SEMA5B: variants seen among roughly 807,000 people sequenced by gnomAD.
SEMA5B encodes the protein semaphorin-5B.
SEMA5B carries 66 observed loss-of-function variants against 135.0 expected under a neutral mutation model. That is an observed-to-expected ratio of 0.49 (90% CI 0.40 to 0.60). The LOEUF is 0.60. Ranked by LOEUF, SEMA5B falls within the 20% of genes least tolerant of loss-of-function variation. The probability of loss-of-function intolerance (pLI) is 0.00; values close to 1 mark genes in which losing one functional copy is unlikely to be tolerated. For missense variants in SEMA5B, 1,501 were observed against 1,566.3 expected (o/e 0.96, Z 0.70); for synonymous variants, 690 against 639.5 (o/e 1.08, Z -1.19).
In SEMA5B at chr3:122,923,633, G is replaced by C; in HGVS notation, c.1256C>G (p.Pro419Arg). Residue 419 changes from proline to arginine, a missense_variant, in exon 10 of 23, where the codon CCC (proline) becomes CGC (arginine). Pro to Arg is a moderately radical substitution (Grantham distance 103). Around this residue, in one of 2 missense-constraint regions of SEMA5B, gnomAD observed 574 missense variants for 684.7 expected, o/e 0.84. Coordinates refer to ENST00000357599, the MANE Select transcript of SEMA5B (RefSeq NM_001031702.4). ...PRAAWLPIAN[P>R]IPNFQCGTLP... is the part of the protein sequence containing the mutation. ...ATTCTGTACCTGGAAATTGGGGATG[G>C]GGTTGGCTATGGGGAGCCAGGCAGC... is the stretch of plus-strand genomic sequence containing the variant. 1.9e-6 allele frequency: 3 copies of C among 1,614,112 alleles called. No individual in the cohort carries two copies. The highest frequency in any genetic ancestry group is 8.5e-7 in the Non-Finnish European group (1 of 1,179,988).
At chr3:123,004,931 A>G (rs1355803646) in intron 1 of SEMA5B, among the ~76,000 whole-genome samples, 2 of 152,098 alleles carry the variant, frequency 1.3e-5, no homozygotes, top group Admixed American at 6.6e-5. Context: ...CAAACCTCAC[A>G]CTGCCTCCCT....
At chr3:122,976,877 C>T (rs920153083) in intron 1 of SEMA5B, among the ~76,000 whole-genome samples, 2 of 152,228 alleles carry the variant, frequency 1.3e-5, no homozygotes, top group Admixed American at 6.5e-5. Context: ...TGATGAAACC[C>T]GGTCTCTCCT....
At position 122,997,523 on chromosome 3, in the gene SEMA5B, C is replaced by T. The variant is rs954385572; in HGVS notation, c.-39+29941G>A. 3.1e-4 allele frequency among the ~76,000 whole-genome samples: 47 copies of T among 151,968 alleles called. 2 individuals are homozygous for T. Among genetic ancestry groups the T allele is most frequent in the South Asian group, 2.7e-3 (13 of 4,792 alleles). On this transcript the variant is annotated intron_variant, in intron 1 of 22. Coordinates refer to ENST00000357599, the MANE Select transcript of SEMA5B (RefSeq NM_001031702.4). ...CTGGCTGGTCCCCAGGCCTCTCCCCCCCCCGTCTCCACCAGGGCATGTTGG... is the reference window on the plus strand; with the variant it reads ...CTGGCTGGTCCCCAGGCCTCTCCCCTCCCCGTCTCCACCAGGGCATGTTGG...
chr3:123,012,163 G>A (rs560572864), intron 1 of SEMA5B, among the ~76,000 whole-genome samples: 33 of 152,262 alleles, frequency 2.2e-4, no homozygotes, highest in Admixed American at 1.8e-3. Flanking sequence ...TGTGTAAACC[G>A]GGGCTCATCG....
intron 1 of SEMA5B, among the ~76,000 whole-genome samples, chr3:122,983,057 C>A (rs1320935535): frequency 6.6e-6 from 1 of 152,128 alleles, no homozygotes; most frequent in Non-Finnish European, 1.5e-5. Context: ...CCAGGCAGGG[C>A]GGCTGCGGGA....
At chr3:123,012,763 C>G (rs1226181898) in intron 1 of SEMA5B, among the ~76,000 whole-genome samples, 3 of 152,216 alleles carry the variant, frequency 2.0e-5, no homozygotes, top group African/African-American at 7.2e-5. Flanking sequence ...CTTCCCCCCT[C>G]CTCTTCCTCC....
chr3:123,008,604 G>C lies in SEMA5B; in HGVS notation c.-39+18860C>G, dbSNP rs116643430. ...TCAGGAGGAAGCTGGGGAAGGACAG[G>C]GTTTTGAGAAGATGTCAACAATGTC... On this transcript the variant is annotated intron_variant, in intron 1 of 22. Transcript: ENST00000357599. Among the ~76,000 whole-genome samples, 1,093 of 152,196 alleles carry C rather than the reference G, an allele frequency of 7.2e-3. 17 individuals carry two copies. Among genetic ancestry groups the C allele is most frequent in the African/African-American group, 0.025 (1,041 of 41,524 alleles).
At chr3:123,007,102 A>G (rs978122250) in intron 1 of SEMA5B, among the ~76,000 whole-genome samples, 1 of 152,050 alleles carries the variant, frequency 6.6e-6, no homozygotes, top group Non-Finnish European at 1.5e-5. Flanking sequence ...CATGGGGCAA[A>G]TTTGCAAGCC....
intron 5 of SEMA5B, among the ~76,000 whole-genome samples, chr3:122,930,971 A>G (rs1217244318): frequency 6.6e-6 from 1 of 152,188 alleles, no homozygotes; most frequent in Non-Finnish European, 1.5e-5. Flanking sequence ...GTTAGGCCAT[A>G]TGCCCCCAAA....
At chr3:123,012,543 A>C (rs1429484903) in intron 1 of SEMA5B, among the ~76,000 whole-genome samples, 2 of 152,214 alleles carry the variant, frequency 1.3e-5, no homozygotes, top group Non-Finnish European at 2.9e-5. Flanking sequence ...AAGGAGAGGC[A>C]TTCCTGAAGT....
At chr3:123,016,290 G>T (rs1172317726) in intron 1 of SEMA5B, among the ~76,000 whole-genome samples, 1 of 152,214 alleles carries the variant, frequency 6.6e-6, no homozygotes, top group African/African-American at 2.4e-5. Flanking sequence ...TGTGATGTCG[G>T]TAAGAAGATG....
intron 5 of SEMA5B, among the ~76,000 whole-genome samples, chr3:122,936,987 C>T (rs1381676246): frequency 6.6e-6 from 1 of 152,234 alleles, no homozygotes; most frequent in Admixed American, 6.5e-5. Context: ...TTAGATTTTT[C>T]TTTACGTAAT....
chr3:122,997,578 A>T (rs1190320301), intron 1 of SEMA5B, among the ~76,000 whole-genome samples: 2 of 149,764 alleles, frequency 1.3e-5, no homozygotes, highest in Non-Finnish European at 3.0e-5. Flanking sequence ...GGGGTAATGG[A>T]TTTCTTAAGT....
chr3:123,008,872 A>T (rs1490187050), intron 1 of SEMA5B, among the ~76,000 whole-genome samples: 1 of 152,102 alleles, frequency 6.6e-6, no homozygotes, highest in Non-Finnish European at 1.5e-5. Context: ...AGGGGCACAG[A>T]GGCCTGCAGC....
chr3:122,963,902 A>G (rs187014157), intron 1 of SEMA5B, among the ~76,000 whole-genome samples: 30 of 151,792 alleles, frequency 2.0e-4, no homozygotes, highest in African/African-American at 7.3e-4. Flanking sequence ...CAAAGTTTCT[A>G]TCCTCAATTC....
At chr3:122,928,721 C>G (rs573652553) in intron 6 of SEMA5B, 106 bp from the exon 7 acceptor site, 4 of 880,370 alleles carry the variant, frequency 4.5e-6, no homozygotes, top group South Asian at 3.3e-5. Flanking sequence ...ATTCTAAACA[C>G]TCCCCTTGAC....
intron 5 of SEMA5B, among the ~76,000 whole-genome samples, chr3:122,932,239 T>A (rs1939009015): frequency 1.5e-5 from 2 of 130,112 alleles, no homozygotes; most frequent in East Asian, 2.1e-4. Flanking sequence ...TCCCTCTCAA[T>A]ATGATTTTTT....
chr3:122,913,247 C>G lies in SEMA5B; in HGVS notation c.2458G>C (p.Glu820Gln). 2 of 1,586,322 alleles carry G rather than the reference C, an allele frequency of 1.3e-6. No individual in the cohort carries two copies. Among genetic ancestry groups the G allele is most frequent in the Non-Finnish European group, 1.7e-6 (2 of 1,174,960 alleles). ...CCGTCCGCGGGACAGGTCCTCGTCT[C>G]GGTCCTTCTCCTGCCGAACTGCAGG... ...HGLQFGRRRT[E>Q]TRTCPADGSG... The change falls in exon 17 of 23, where the codon GAG (glutamate) becomes CAG (glutamine). Residue 820 changes from glutamate to glutamine, a missense_variant. Transcript: ENST00000357599.
intron 12 of SEMA5B, among the ~76,000 whole-genome samples, chr3:122,918,185 C>A (rs1396819294): frequency 6.6e-6 from 1 of 152,186 alleles, no homozygotes; most frequent in Non-Finnish European, 1.5e-5. Flanking sequence ...TGTCTGCCAG[C>A]AGAGAAAATG....
Sources: gnomAD v4.1 joint callset for allele counts (sites outside exome capture counted in the v4.1 genomes callset) on GRCh38, gnomAD v4.1.1 for gene constraint, gnomAD v4.1.1 regional missense constraint, MANE v1.5 for transcripts, NCBI Gene and HGNC (gene_info 2026-07-23, HGNC 2026-07-21) for gene names.